ADAM12: variants seen among roughly 807,000 people sequenced by gnomAD.
ADAM12 encodes ADAM metallopeptidase domain 12.
A neutral mutation model predicts 106.4 loss-of-function variants in ADAM12; 70 were observed. That is an observed-to-expected ratio of 0.66 (90% CI 0.54 to 0.80). The LOEUF is 0.80. ADAM12 is among the 30% of genes least tolerant of loss of function. ADAM12 has a pLI of 0.00. For synonymous variants in ADAM12, 420 were observed against 433.5 expected, an observed-to-expected ratio of 0.97 and a Z score of 0.39; for missense variants, 1,010 against 1,171.9, an observed-to-expected ratio of 0.86 and a Z score of 2.02.
intron 14 of ADAM12, among the ~76,000 whole-genome samples, chr10:126,057,963 CAG>C (rs1173360471): frequency 3.3e-5 from 5 of 152,298 alleles, no homozygotes; most frequent in Admixed American, 3.3e-4. Flanking sequence ...AAGATTGAAT[CAG>C]AGAGGTCCAT....
At chr10:126,281,366 C>A (rs536139842) in intron 2 of ADAM12, among the ~76,000 whole-genome samples, 90 of 152,250 alleles carry the variant, frequency 5.9e-4, no homozygotes, top group Middle Eastern at 3.4e-3. Context: ...AAATGGAAAT[C>A]CTGACAATTC....
At chr10:126,191,650 A>G (rs1453516228) in intron 3 of ADAM12, among the ~76,000 whole-genome samples, 2 of 152,156 alleles carry the variant, frequency 1.3e-5, no homozygotes, top group Admixed American at 1.3e-4. Flanking sequence ...TAAGACTTCC[A>G]AGGTTAGTTG....
intron 3 of ADAM12, among the ~76,000 whole-genome samples, chr10:126,193,953 A>T (rs1238836778): frequency 7.2e-6 from 1 of 139,088 alleles, no homozygotes; most frequent in East Asian, 2.0e-4. Flanking sequence ...TAAACATGTG[A>T]GAGAGGCCTG....
intron 1 of ADAM12, among the ~76,000 whole-genome samples, chr10:126,344,514 T>C (rs1017969124): frequency 7.9e-5 from 12 of 152,200 alleles, no homozygotes; most frequent in African/African-American, 2.9e-4. Flanking sequence ...GGGCTCTTTT[T>C]TGGTTCCATA....
chr10:126,206,053 C>T (rs1036583182), intron 3 of ADAM12, among the ~76,000 whole-genome samples: 1 of 152,066 alleles, frequency 6.6e-6, no homozygotes, highest in South Asian at 2.1e-4. Flanking sequence ...GAAAAATGTC[C>T]AATTTTTTTT....
Position 126,049,156 on chromosome 10 carries a change from G to A in ADAM12, c.1917+97C>T. ...GTGCATCTGAGAAGAAGTAGATTTA[G>A]GAAAACCAACAAACCTTGTAACCCA... On this transcript the variant is annotated intron_variant, in intron 16 of 22. Coordinates refer to ENST00000448723, the MANE Select transcript of ADAM12 (RefSeq NM_001288973.2). This position sits in a 1 kb window ranked among gnomAD's most constrained non-coding sequence, Gnocchi z 4.4. The A allele has an allele frequency of 1.3e-6, 2 of 1,502,950 alleles. No homozygotes were observed. The highest frequency in any genetic ancestry group is 1.7e-5 in the Admixed American group (1 of 58,348). 93.1% of individuals were successfully genotyped at this position (1,502,950 alleles called of 1,614,324 possible).
chr10:126,086,336 C>T (rs1413481466), intron 11 of ADAM12, among the ~76,000 whole-genome samples: 1 of 151,876 alleles, frequency 6.6e-6, no homozygotes, highest in East Asian at 1.9e-4. Context: ...TTAGGTCGGT[C>T]TGGAAAAATG....
Position 126,047,348 on chromosome 10 carries a change from G to A in ADAM12, c.1918-1216C>T, listed in dbSNP as rs55967428. ...AAGCAGCACTGAGGGATTCCCACTC[G>A]GTGGGTGCGAATCCTGGCCAAGGGG... On this transcript the variant is annotated intron_variant, in intron 16 of 22. Transcript: ENST00000448723. Among the ~76,000 whole-genome samples, 812 of 152,244 alleles carry A rather than the reference G, an allele frequency of 5.3e-3. 9 individuals are homozygous for A. The highest frequency in any genetic ancestry group is 0.019 in the African/African-American group (775 of 41,546).
At chr10:126,152,814 A>C (rs1425744030) in intron 4 of ADAM12, among the ~76,000 whole-genome samples, 2 of 152,004 alleles carry the variant, frequency 1.3e-5, no homozygotes, top group African/African-American at 4.8e-5. Flanking sequence ...CTACTCTTTA[A>C]ATAGTTATAC....
At chr10:126,173,368 C>G (rs1957154771) in intron 3 of ADAM12, among the ~76,000 whole-genome samples, 1 of 152,176 alleles carries the variant, frequency 6.6e-6, no homozygotes, top group African/African-American at 2.4e-5. Context: ...AATCTTAACA[C>G]CGGCTGAATC....
intron 6 of ADAM12, among the ~76,000 whole-genome samples, chr10:126,110,270 A>T (rs1215376710): frequency 6.6e-6 from 1 of 152,174 alleles, no homozygotes; most frequent in Admixed American, 6.5e-5. Context: ...AGTTCAATGC[A>T]CTGTGGCTGT....
intron 6 of ADAM12, among the ~76,000 whole-genome samples, chr10:126,117,190 C>T (rs1955999981): frequency 6.6e-6 from 1 of 152,190 alleles, no homozygotes; most frequent in Non-Finnish European, 1.5e-5. Context: ...TGCCTTTAAT[C>T]CTTATTAAAA....
intron 11 of ADAM12, among the ~76,000 whole-genome samples, chr10:126,088,349 T>C (rs1389215326): frequency 2.6e-5 from 4 of 152,072 alleles, no homozygotes; most frequent in Admixed American, 2.6e-4. Context: ...TGACCTCATT[T>C]CCTGTAGCAA....
intron 2 of ADAM12, among the ~76,000 whole-genome samples, chr10:126,323,835 C>T (rs1336642038): frequency 6.6e-6 from 1 of 152,198 alleles, no homozygotes; most frequent in African/African-American, 2.4e-5. Flanking sequence ...AGCTTTCATG[C>T]TTTTATACAG....
chr10:126,097,652 C>T (rs1200854992), intron 10 of ADAM12, among the ~76,000 whole-genome samples: 7 of 152,130 alleles, frequency 4.6e-5, no homozygotes, highest in Admixed American at 4.6e-4. Context: ...GAGGATACTC[C>T]CTGTCTGAGG....
At chr10:126,237,720 A>G (rs542625089) in intron 3 of ADAM12, among the ~76,000 whole-genome samples, 1 of 152,274 alleles carries the variant, frequency 6.6e-6, no homozygotes, top group South Asian at 2.1e-4. Flanking sequence ...AACGTTCCCA[A>G]TCACACGCTG....
intron 3 of ADAM12, among the ~76,000 whole-genome samples, chr10:126,157,510 T>C (rs1956840766): frequency 6.6e-6 from 1 of 152,242 alleles, no homozygotes; most frequent in East Asian, 1.9e-4. Flanking sequence ...TTGTTTTACA[T>C]GGATTGCAAT....
At chr10:126,380,654 T>C (rs978983640) in intron 1 of ADAM12, among the ~76,000 whole-genome samples, 1 of 152,218 alleles carries the variant, frequency 6.6e-6, no homozygotes, top group Non-Finnish European at 1.5e-5. Flanking sequence ...TTTAAAAAAA[T>C]ACTAACCAAA....
intron 2 of ADAM12, among the ~76,000 whole-genome samples, chr10:126,325,114 T>G (rs1025295286): frequency 1.3e-5 from 2 of 151,750 alleles, no homozygotes; most frequent in African/African-American, 4.8e-5. Context: ...CCAGGAAAGC[T>G]AATGAAAAGC....
Sources: allele counts gnomAD v4.1 joint callset (sites outside exome capture counted in the v4.1 genomes callset), GRCh38; gene constraint gnomAD v4.1.1; non-coding constraint Gnocchi (gnomAD v3.1); transcripts MANE v1.5; gene names NCBI Gene and HGNC (gene_info 2026-07-23, HGNC 2026-07-21).